Variants in AAK1 observed in about 807,000 individuals in gnomAD.
The protein encoded by AAK1 is AP2 associated kinase 1.
A neutral mutation model predicts 116.0 loss-of-function variants in AAK1; 37 were observed. That is an observed-to-expected ratio of 0.32 (90% confidence interval 0.25 to 0.42). The LOEUF (loss-of-function observed/expected upper bound fraction) is 0.42, where lower values mean the gene tolerates loss of function less well. AAK1 is among the 10% of genes least tolerant of loss of function. AAK1 has a pLI of 1.00. For missense variants in AAK1, 919 were observed against 1,170.6 expected (o/e 0.79, Z 3.14); for synonymous variants, 458 against 439.9 (o/e 1.04, Z -0.51).
Position 69,542,634 on chromosome 2 carries a change from G to A in AAK1, c.423C>T (p.Arg141=), listed in dbSNP as rs367688452. Reference sequence around the variant, plus strand: ...CATTCTCTGTAAAGCCTGTTTGCAGGCGCTGGTTCATCAGGTTTACCACCT... The same window carrying A: ...CATTCTCTGTAAAGCCTGTTTGCAGACGCTGGTTCATCAGGTTTACCACCT... ...GGQVVNLMNQ[R]LQTGFTENEV... Residue 141 remains arginine (R), a synonymous_variant, in exon 5 of 22, where the codon CGC becomes CGT. Coordinates refer to ENST00000409085, the MANE Select transcript of AAK1 (RefSeq NM_014911.5). 1 of 1,613,916 alleles carries A rather than the reference G, an allele frequency of 6.2e-7. No homozygotes were observed. Among genetic ancestry groups the A allele is most frequent in the Non-Finnish European group, 8.5e-7 (1 of 1,179,860 alleles).
chr2:69,581,969 G>A (rs955972016), intron 2 of AAK1, among the ~76,000 whole-genome samples: 1 of 151,410 alleles, frequency 6.6e-6, no homozygotes, highest in Non-Finnish European at 1.5e-5. Flanking sequence ...GTGACAGAGT[G>A]CCCTGTCTTT....
At chr2:69,524,982 T>C in intron 10 of AAK1, 51 bp downstream of exon 10, 1 of 1,533,402 alleles carries the variant, frequency 6.5e-7, no homozygotes, top group Non-Finnish European at 9.0e-7. Context: ...CATCATTCCC[T>C]GCTGCTGTGG....
intron 12 of AAK1, among the ~76,000 whole-genome samples, chr2:69,517,910 G>A (rs1676650291): frequency 6.6e-6 from 1 of 152,176 alleles, no homozygotes; most frequent in African/African-American, 2.4e-5. Context: ...AGGATGGCTT[G>A]AGGCCGGGAG....
chr2:69,580,228 G>A (rs1452068700), intron 2 of AAK1, among the ~76,000 whole-genome samples: 1 of 152,110 alleles, frequency 6.6e-6, no homozygotes, highest in Admixed American at 6.6e-5. Flanking sequence ...ACCTTTGGTG[G>A]GGGTCTGTGC....
chr2:69,627,351 G>A (rs558733269), intron 2 of AAK1, among the ~76,000 whole-genome samples: 1 of 151,890 alleles, frequency 6.6e-6, no homozygotes, highest in African/African-American at 2.4e-5. Flanking sequence ...GGGAGTGGGA[G>A]TGATAAATAA....
chr2:69,590,202 G>A (rs763158573), intron 2 of AAK1, among the ~76,000 whole-genome samples: 13 of 152,274 alleles, frequency 8.5e-5, no homozygotes, highest in South Asian at 2.1e-4. Flanking sequence ...TAGACAAGGC[G>A]CATTAACTTC....
At chr2:69,535,132 A>G (rs1670409964) in intron 5 of AAK1, among the ~76,000 whole-genome samples, 1 of 152,192 alleles carries the variant, frequency 6.6e-6, no homozygotes. Flanking sequence ...CTCCTATTGT[A>G]TGTGTGCACT....
intron 2 of AAK1, among the ~76,000 whole-genome samples, chr2:69,641,389 G>C (rs1289263394): frequency 2.0e-5 from 3 of 152,122 alleles, no homozygotes; most frequent in African/African-American, 7.2e-5. Context: ...TCAGACTCAA[G>C]GGTGCGGATC....
intron 5 of AAK1, among the ~76,000 whole-genome samples, chr2:69,535,992 A>C (rs977824454): frequency 6.6e-6 from 1 of 152,242 alleles, no homozygotes; most frequent in African/African-American, 2.4e-5. Flanking sequence ...ACGCGCTTTT[A>C]CCTAGAGTAT....
At chr2:69,610,653 A>G (rs1674036282) in intron 2 of AAK1, among the ~76,000 whole-genome samples, 1 of 152,238 alleles carries the variant, frequency 6.6e-6, no homozygotes, top group Admixed American at 6.5e-5. Flanking sequence ...AATTCCTAAA[A>G]TTCAATAACA....
intron 8 of AAK1, among the ~76,000 whole-genome samples, chr2:69,527,976 T>C (rs527943193): frequency 6.6e-6 from 1 of 152,246 alleles, no homozygotes; most frequent in South Asian, 2.1e-4. Context: ...GCTTAAATAA[T>C]AAAGTGAATG....
intron 17 of AAK1, among the ~76,000 whole-genome samples, chr2:69,489,012 C>CT (rs199920200): frequency 0.3 from 43,092 of 144,918 alleles, 7,280 homozygotes; most frequent in East Asian, 0.52. Context: ...TAACTTAAAA[C>CT]TTTTTTTTTT....
chr2:69,620,483 G>C (rs1172317106), intron 2 of AAK1, among the ~76,000 whole-genome samples: 1 of 152,078 alleles, frequency 6.6e-6, no homozygotes, highest in Non-Finnish European at 1.5e-5. Context: ...AAATAGTTTA[G>C]ACTTGGTGCT....
At chr2:69,552,402 G>A (rs1042855770) in intron 3 of AAK1, among the ~76,000 whole-genome samples, 1 of 152,084 alleles carries the variant, frequency 6.6e-6, no homozygotes, top group African/African-American at 2.4e-5. Flanking sequence ...CGCAACCTAA[G>A]ACTCATTATG....
chr2:69,490,675 T>C (rs183579503), intron 17 of AAK1, among the ~76,000 whole-genome samples: 45 of 151,362 alleles, frequency 3.0e-4, no homozygotes, highest in African/African-American at 9.4e-4. Context: ...AAATAGAGAG[T>C]TGTTGTTTAA....
chr2:69,574,863 T>G (rs1672237836), intron 2 of AAK1, among the ~76,000 whole-genome samples: 1 of 151,682 alleles, frequency 6.6e-6, no homozygotes, highest in Non-Finnish European at 1.5e-5. Context: ...CTCGGGAGGC[T>G]GAAACAGGAG....
chr2:69,643,688 G>C lies in AAK1; in HGVS notation c.-348C>G. 3 of 1,221,192 alleles carry C rather than the reference G, an allele frequency of 2.5e-6. No individual in the cohort carries two copies. The highest frequency in any genetic ancestry group is 3.1e-6 in the Non-Finnish European group (3 of 981,240). 75.6% of individuals were successfully genotyped at this position (1,221,192 alleles called of 1,614,324 possible). A position where few individuals can be genotyped will look rare whatever the true frequency, so the allele number is the denominator to read the frequency against. ...GCGCTGCAGCGAGAGCCGGGGCCGC[G>C]CTCGGCTCCCGCCCGCCCGCCAGCT... On this transcript the variant is annotated 5_prime_UTR_variant, in exon 1 of 22. Transcript: ENST00000409085.
chr2:69,468,928 A>T lies in AAK1; in HGVS notation c.*6941T>A. 6.1e-6 allele frequency: 6 copies of T among 985,428 alleles called. No individual in the cohort carries two copies. The highest frequency in any genetic ancestry group is 7.2e-6 in the Non-Finnish European group (6 of 829,930). The allele number at this position is 985,428 out of a possible 1,614,324, so 61.0% of individuals were successfully genotyped here. A position where few individuals can be genotyped will look rare whatever the true frequency, so the allele number is the denominator to read the frequency against. On this transcript the variant is annotated 3_prime_UTR_variant, in exon 22 of 22. Transcript: ENST00000409085. ...ATATTCTATGACCTTCATGATGAGTACTGGGAAAATCAGACTTAAAATTCC... is the reference window on the plus strand; with the variant it reads ...ATATTCTATGACCTTCATGATGAGTTCTGGGAAAATCAGACTTAAAATTCC...
At chr2:69,606,970 G>C (rs1444241270) in intron 2 of AAK1, among the ~76,000 whole-genome samples, 1 of 151,192 alleles carries the variant, frequency 6.6e-6, no homozygotes, top group African/African-American at 2.4e-5. Flanking sequence ...GCAGGCTGAG[G>C]TGGGAGGATG....
Sources: gnomAD v4.1 joint callset for allele counts (sites outside exome capture counted in the v4.1 genomes callset) on GRCh38, gnomAD v4.1.1 for gene constraint, MANE v1.5 for transcripts, NCBI Gene and HGNC (gene_info 2026-07-23, HGNC 2026-07-21) for gene names.